The following SNX16 variants were observed in gnomAD, a reference collection of about 807,000 sequenced individuals.
SNX16 encodes the protein sorting nexin 16, also known as sorting nexin-16.
A neutral mutation model predicts 36.7 loss-of-function variants in SNX16; 35 were observed. The observed-to-expected ratio is 0.95, with a 90% confidence interval of 0.73 to 1.27. The LOEUF is 1.27. Among genes scored for constraint, SNX16 ranks in the 50% most tolerant of loss-of-function variants. The probability of loss-of-function intolerance (pLI) is 0.00; values close to 1 mark genes in which losing one functional copy is unlikely to be tolerated. For missense variants in SNX16, 367 were observed against 393.6 expected (o/e 0.93, Z 0.57); for synonymous variants, 134 against 132.0 (o/e 1.02, Z -0.10).
intron 5 of SNX16, among the ~76,000 whole-genome samples, chr8:81,811,325 C>T (rs1252484437): frequency 6.6e-6 from 1 of 152,058 alleles, no homozygotes; most frequent in Non-Finnish European, 1.5e-5. Flanking sequence ...GGGACCCAAG[C>T]CACACAGGAC....
chr8:81,822,975 T>TATATATAC (rs1443392174), intron 4 of SNX16, among the ~76,000 whole-genome samples: 21 of 146,018 alleles, frequency 1.4e-4, no homozygotes, highest in African/African-American at 4.3e-4. Flanking sequence ...TATATATATA[T>TATATATAC]ACACATATGT....
chr8:81,821,550 T>C (rs1810742289), intron 4 of SNX16, among the ~76,000 whole-genome samples: 1 of 152,102 alleles, frequency 6.6e-6, no homozygotes, highest in Non-Finnish European at 1.5e-5. Context: ...TTTTGGTGTT[T>C]ACTGGTTTTT....
At chr8:81,811,760 T>C (rs141458469) in intron 5 of SNX16, among the ~76,000 whole-genome samples, 144 of 152,102 alleles carry the variant, frequency 9.5e-4, no homozygotes, top group Admixed American at 1.6e-3. Flanking sequence ...TTCAAATAAA[T>C]GTACAAAACA....
chr8:81,803,168 G>C lies in SNX16; in HGVS notation c.742C>G (p.Gln248Glu). The C allele has an allele frequency of 6.2e-7, 1 of 1,611,816 alleles. No homozygotes were observed. The highest frequency in any genetic ancestry group is 1.1e-5 in the South Asian group (1 of 90,866). Residue 248 changes from glutamine (Q) to glutamate (E), a missense_variant, in exon 6 of 8, where the codon CAA (glutamine) becomes GAA (glutamate). Transcript: ENST00000345957. ...YRLQKELLEK[Q>E]KEMESLKKLL... Reference sequence around the variant, plus strand: ...TTCTTTAGTGATTCCATCTCCTTTTGTTTTTCAAGTAGTTCTTTCTGTAAG... The same window carrying C: ...TTCTTTAGTGATTCCATCTCCTTTTCTTTTTCAAGTAGTTCTTTCTGTAAG...
chr8:81,811,998 T>C (rs997676874), intron 5 of SNX16, among the ~76,000 whole-genome samples: 1 of 151,954 alleles, frequency 6.6e-6, no homozygotes, highest in African/African-American at 2.4e-5. Context: ...AATAAGCAAT[T>C]GAGAATTTTG....
Position 81,839,745 on chromosome 8 carries a change from G to A in SNX16, c.242C>T (p.Ala81Val), listed in dbSNP as rs963116460. 1 of 1,613,864 alleles carries A rather than the reference G, an allele frequency of 6.2e-7. No homozygotes were observed. The highest frequency in any genetic ancestry group is 1.3e-5 in the African/African-American group (1 of 74,908). The change falls in exon 2 of 8, where the codon GCT becomes GTT. Residue 81 changes from alanine to valine, a missense_variant. Transcript: ENST00000345957. ...PLIRTKFTGT[A>V]SSIEYSTRPR... is the part of the protein sequence containing the mutation. ...TCTAGTAGAATACTCAATGGAAGAA[G>A]CTGTACCTGTAAATTTAGTCCTAAT...
chr8:81,822,755 C>T (rs77729397), intron 4 of SNX16, among the ~76,000 whole-genome samples: 10,772 of 151,550 alleles, frequency 0.071, 460 homozygotes, highest in Middle Eastern at 0.11. Flanking sequence ...TTAGGTTTGA[C>T]GTAATTTTGA....
chr8:81,803,022 T>C, intron 6 of SNX16, 70 bp downstream of exon 6: 1 of 1,290,036 alleles, frequency 7.8e-7, no homozygotes, highest in Non-Finnish European at 1.0e-6. Flanking sequence ...TATTAAAATA[T>C]AAAGGGCAGT....
chr8:81,803,872 G>A (rs779710026), intron 5 of SNX16, among the ~76,000 whole-genome samples: 6 of 151,692 alleles, frequency 4.0e-5, no homozygotes, highest in East Asian at 1.9e-4. Context: ...CTAGGTGGGC[G>A]AGGTAAAGTC....
intron 4 of SNX16, among the ~76,000 whole-genome samples, chr8:81,817,104 T>A (rs1336575024): frequency 2.0e-5 from 3 of 152,302 alleles, no homozygotes; most frequent in South Asian, 4.1e-4. Flanking sequence ...CAAGTTTGTA[T>A]GAAACCCTGA....
At chr8:81,803,711 CAAGAA>C in intron 5 of SNX16, among the ~76,000 whole-genome samples, 1 of 151,702 alleles carries the variant, frequency 6.6e-6, no homozygotes, top group East Asian at 1.9e-4. Context: ...CAGGATGGTA[CAAGAA>C]ATGAGGAGTC....
intron 5 of SNX16, chr8:81,808,569 A>C: frequency 1.0e-6 from 1 of 994,828 alleles, no homozygotes; most frequent in South Asian, 1.3e-5. Flanking sequence ...TGGCAGTTAC[A>C]ACAATCAGTC....
rs565056952 is a variant in SNX16 at position 81,833,464 on chromosome 8, T to A, written c.376-3948A>T. On this transcript the variant is annotated intron_variant, in intron 2 of 7. Coordinates refer to ENST00000345957, the MANE Select transcript of SNX16 (RefSeq NM_152836.3). ...GGGAAACAAGGTTACTCGGATACTCTTTAAAGTCAGCAGAAGGTCCTGATC... is the reference window on the plus strand; with the variant it reads ...GGGAAACAAGGTTACTCGGATACTCATTAAAGTCAGCAGAAGGTCCTGATC... 4.6e-5 allele frequency among the ~76,000 whole-genome samples: 7 copies of A among 152,258 alleles called. No homozygotes were observed. In the South Asian group the frequency reaches 1.5e-3, roughly 32 times the overall value.
intron 6 of SNX16, 101 bp from the exon 7 acceptor site, chr8:81,802,600 C>CTAAAG: frequency 1.1e-6 from 1 of 946,436 alleles, no homozygotes; most frequent in Non-Finnish European, 1.5e-6. Context: ...AGCTGTTAAG[C>CTAAAG]CTTAATGTAG....
chr8:81,815,761 T>C, intron 4 of SNX16: 1 of 165,248 alleles, frequency 6.1e-6, no homozygotes, highest in East Asian at 1.6e-4. Flanking sequence ...TTCTAATTTA[T>C]ACCTCACTTG....
At chr8:81,814,512 T>C (rs935957393) in intron 5 of SNX16, 1 of 152,048 alleles carries the variant, frequency 6.6e-6, no homozygotes, top group Non-Finnish European at 1.5e-5. Context: ...ATAGGAATTC[T>C]TTTTGAGGTG....
chr8:81,808,647 G>C (rs1585980532), intron 5 of SNX16: 3 of 944,820 alleles, frequency 3.2e-6, no homozygotes, highest in Admixed American at 3.4e-5. Context: ...TGGTGGTGGA[G>C]GCCAATACTT....
intron 3 of SNX16, among the ~76,000 whole-genome samples, chr8:81,825,167 C>T (rs1405064937): frequency 6.6e-6 from 1 of 152,100 alleles, no homozygotes; most frequent in Non-Finnish European, 1.5e-5. Context: ...CAAGACCATC[C>T]AGGTTCAAGG....
Position 81,815,309 on chromosome 8 carries a change from A to C in SNX16, c.681+16T>G. 6.2e-7 allele frequency: 1 copy of C among 1,600,564 alleles called. No homozygotes were observed. Among genetic ancestry groups the C allele is most frequent in the Non-Finnish European group, 8.6e-7 (1 of 1,169,448 alleles). ...AATTGTTCCTCTTTTCATGTGCTAT[A>C]TAATACAGCACTTACCCTGCTTTCT... On this transcript the variant is annotated intron_variant, in intron 5 of 7. Coordinates refer to ENST00000345957, the MANE Select transcript of SNX16 (RefSeq NM_152836.3).
Sources: gnomAD v4.1 joint callset for allele counts (sites outside exome capture counted in the v4.1 genomes callset) on GRCh38, gnomAD v4.1.1 for gene constraint, MANE v1.5 for transcripts, NCBI Gene and HGNC (gene_info 2026-07-23, HGNC 2026-07-21) for gene names.